Variants in MACROD2 observed in about 807,000 individuals in gnomAD.
MACROD2 encodes the protein ADP-ribose glycohydrolase MACROD2.
In MACROD2, 36 loss-of-function variants were observed where a neutral mutation model predicts 70.4. That is an observed-to-expected ratio of 0.51 (90% CI 0.39 to 0.68). The LOEUF (loss-of-function observed/expected upper bound fraction) is 0.68. MACROD2 is among the 30% of genes least tolerant of loss of function. The pLI is 0.00. For synonymous variants in MACROD2, 172 were observed against 178.8 expected, an observed-to-expected ratio of 0.96 and a Z score of 0.30; for missense variants, 496 against 538.4, an observed-to-expected ratio of 0.92 and a Z score of 0.78.
intron 8 of MACROD2, among the ~76,000 whole-genome samples, chr20:15,832,125 T>C (rs916681517): frequency 1.4e-5 from 2 of 139,562 alleles, no homozygotes; most frequent in African/African-American, 2.8e-5. Flanking sequence ...AAAGTTCCAA[T>C]ACTGAGAATA....
At chr20:15,989,290 A>G (rs1476180690) in intron 15 of MACROD2, among the ~76,000 whole-genome samples, 2 of 152,142 alleles carry the variant, frequency 1.3e-5, no homozygotes, top group African/African-American at 4.8e-5. Flanking sequence ...TTCAACAACA[A>G]CAACTGGTTC....
At chr20:14,060,561 C>T (rs4814277) in intron 2 of MACROD2, among the ~76,000 whole-genome samples, 23,055 of 152,008 alleles carry the variant, frequency 0.15, 1,936 homozygotes, top group Admixed American at 0.22. Flanking sequence ...ATAAGTAGTT[C>T]CAGAAGGCAT....
At chr20:15,787,970 A>G (rs1371331861) in intron 8 of MACROD2, among the ~76,000 whole-genome samples, 1 of 152,094 alleles carries the variant, frequency 6.6e-6, no homozygotes, top group Non-Finnish European at 1.5e-5. Context: ...TCACTTTTTC[A>G]AGAAATATAC....
chr20:14,385,273 G>A (rs951722579), intron 3 of MACROD2, among the ~76,000 whole-genome samples: 1 of 151,978 alleles, frequency 6.6e-6, no homozygotes, highest in East Asian at 1.9e-4. Flanking sequence ...TATTATTTTA[G>A]TTATACATGT....
chr20:14,471,511 A>G (rs931938231), intron 3 of MACROD2, among the ~76,000 whole-genome samples: 1 of 152,198 alleles, frequency 6.6e-6, no homozygotes, highest in African/African-American at 2.4e-5. Context: ...TCCTAGGGGC[A>G]TTATTAACAT....
intron 3 of MACROD2, among the ~76,000 whole-genome samples, chr20:14,456,554 T>A (rs373071866): frequency 1.1e-4 from 17 of 151,744 alleles, no homozygotes; most frequent in African/African-American, 4.1e-4. Context: ...ACTTAGACAT[T>A]TCTAGGCTTA....
intron 3 of MACROD2, among the ~76,000 whole-genome samples, chr20:14,184,754 C>A (rs2081331645): frequency 6.6e-6 from 1 of 151,938 alleles, no homozygotes; most frequent in Non-Finnish European, 1.5e-5. Flanking sequence ...TCCTAGTTAG[C>A]TGTACTCCTA....
intron 5 of MACROD2, among the ~76,000 whole-genome samples, chr20:15,141,291 C>T (rs1022900453): frequency 2.6e-5 from 4 of 152,244 alleles, no homozygotes; most frequent in Admixed American, 2.0e-4. Context: ...AGCATACATA[C>T]ATATAGATAT....
chr20:14,699,443 C>G (rs2071166549), intron 5 of MACROD2, among the ~76,000 whole-genome samples: 1 of 152,074 alleles, frequency 6.6e-6, no homozygotes, highest in Admixed American at 6.6e-5. Flanking sequence ...AAATAGAATG[C>G]TAGGGACTTT....
At position 15,840,877 on chromosome 20, in the gene MACROD2, G is replaced by A. The variant is rs187706010; in HGVS notation, c.646-21868G>A. 2.2e-3 allele frequency among the ~76,000 whole-genome samples: 341 copies of A among 152,200 alleles called. 2 individuals carry two copies. Among genetic ancestry groups the A allele is most frequent in the Non-Finnish European group, 3.6e-3 (247 of 67,984 alleles). On this transcript the variant is annotated intron_variant, in intron 8 of 17. Coordinates refer to ENST00000684519, the MANE Select transcript of MACROD2 (RefSeq NM_001351661.2). Reference sequence around the variant, plus strand: ...TAGTTAAATTATAGTAAGAATCCCCGCGCACTAAGTCTGAGAGGGATTGTT... The same window carrying A: ...TAGTTAAATTATAGTAAGAATCCCCACGCACTAAGTCTGAGAGGGATTGTT...
chr20:14,395,477 AT>A (rs1409006357), intron 3 of MACROD2, among the ~76,000 whole-genome samples: 3 of 151,462 alleles, frequency 2.0e-5, no homozygotes, highest in Admixed American at 6.6e-5. Context: ...TTGTGTCTTT[AT>A]TTTTTTTCAT....
At chr20:14,376,882 C>T (rs1378939906) in intron 3 of MACROD2, among the ~76,000 whole-genome samples, 6 of 151,718 alleles carry the variant, frequency 4.0e-5, no homozygotes, top group Non-Finnish European at 8.8e-5. Context: ...GGAAAGTTAC[C>T]TAACCTCCCT....
In MACROD2 at chr20:14,862,170, A is replaced by C. The variant is rs1389102094; in HGVS notation, c.418+177211A>C. The stretch of plus-strand genomic sequence containing the variant: ...ATACATAAATATATAAATATATATA[A>C]ATATATATAAATATATATTTATACA... On this transcript the variant is annotated intron_variant, in intron 5 of 17. Transcript: ENST00000684519. Among the ~76,000 whole-genome samples the C allele has an allele frequency of 2.8e-3, 9 of 3,236 alleles. 1 individual carries two copies. Among genetic ancestry groups the C allele is most frequent in the African/African-American group, 0.012 (8 of 654 alleles). The allele number at this position is 3,236 out of a possible 152,430, so 2.1% of individuals were successfully genotyped here.
intron 3 of MACROD2, among the ~76,000 whole-genome samples, chr20:14,429,592 G>C (rs1413027341): frequency 6.6e-6 from 1 of 152,134 alleles, no homozygotes; most frequent in East Asian, 1.9e-4. Context: ...ACAGTGCTCT[G>C]CTCACCTGAG....
chr20:15,099,074 A>G (rs760510652), intron 5 of MACROD2, among the ~76,000 whole-genome samples: 3 of 152,226 alleles, frequency 2.0e-5, no homozygotes, highest in Non-Finnish European at 4.4e-5. Context: ...AAGTTCATGT[A>G]ATACATGTCT....
intron 8 of MACROD2, among the ~76,000 whole-genome samples, chr20:15,795,528 G>A (rs2063664972): frequency 2.0e-5 from 3 of 152,096 alleles, no homozygotes; most frequent in Admixed American, 2.0e-4. Flanking sequence ...ATTGTCTGGA[G>A]TGAATGCCAG....
intron 2 of MACROD2, among the ~76,000 whole-genome samples, chr20:14,016,363 G>A (rs3859621): frequency 0.45 from 68,025 of 151,948 alleles, 15,601 homozygotes; most frequent in South Asian, 0.53. Flanking sequence ...TTTGTGGGTC[G>A]TCTTTTCACT....
chr20:15,774,771 A>C (rs62194715), intron 8 of MACROD2, among the ~76,000 whole-genome samples: 19,329 of 152,096 alleles, frequency 0.13, 1,418 homozygotes, highest in Middle Eastern at 0.28. Flanking sequence ...TTTGCATGAC[A>C]GCAGTAGTAT....
chr20:14,969,830 C>G (rs937966282), intron 5 of MACROD2, among the ~76,000 whole-genome samples: 2 of 152,040 alleles, frequency 1.3e-5, no homozygotes, highest in Non-Finnish European at 2.9e-5. Context: ...ACTTTATTCA[C>G]TGGAAGCATA....
Sources: gnomAD v4.1 joint callset for allele counts (sites outside exome capture counted in the v4.1 genomes callset) on GRCh38, gnomAD v4.1.1 for gene constraint, MANE v1.5 for transcripts, NCBI Gene and HGNC (gene_info 2026-07-23, HGNC 2026-07-21) for gene names.